MAP3K7CL: variants seen among roughly 807,000 people sequenced by gnomAD.
MAP3K7CL encodes the protein MAP3K7 C-terminal like.
MAP3K7CL carries 16 observed loss-of-function variants against 18.6 expected under a neutral mutation model. The observed-to-expected ratio is 0.86, with a 90% CI of 0.58 to 1.31. MAP3K7CL has a LOEUF of 1.31. Among genes scored for constraint, MAP3K7CL ranks in the 50% most tolerant of loss-of-function variants. The pLI, the probability that MAP3K7CL is intolerant of heterozygous loss-of-function variation, is 0.00. For synonymous variants in MAP3K7CL, 65 were observed against 66.8 expected, an observed-to-expected ratio of 0.97 and a Z score of 0.13; for missense variants, 163 against 174.4, an observed-to-expected ratio of 0.93 and a Z score of 0.37.
intron 3 of MAP3K7CL, among the ~76,000 whole-genome samples, chr21:29,159,194 G>A (rs985496654): frequency 1.3e-5 from 2 of 152,072 alleles, no homozygotes; most frequent in African/African-American, 2.4e-5. Flanking sequence ...TTTTAATCAC[G>A]CATTGCTAAA....
chr21:29,133,604 C>T (rs1436964756), intron 2 of MAP3K7CL, among the ~76,000 whole-genome samples, 190 bp downstream of exon 2: 3 of 152,186 alleles, frequency 2.0e-5, no homozygotes. Flanking sequence ...CTTTCCTCCA[C>T]CTTGAGTTTT....
At chr21:29,098,025 A>G (rs1388901043) in intron 4 of MAP3K7CL, among the ~76,000 whole-genome samples, 1 of 152,168 alleles carries the variant, frequency 6.6e-6, no homozygotes, top group Non-Finnish European at 1.5e-5. Context: ...TGAATTAATT[A>G]TAATTAAATA....
At chr21:29,169,450 C>T (rs749569664) in intron 4 of MAP3K7CL, among the ~76,000 whole-genome samples, 7 of 152,146 alleles carry the variant, frequency 4.6e-5, no homozygotes, top group Admixed American at 6.6e-5. Context: ...TTCTGTCCTG[C>T]GTATGAATGC....
At chr21:29,115,692 A>G (rs972803406) in intron 4 of MAP3K7CL, among the ~76,000 whole-genome samples, 13 of 152,256 alleles carry the variant, frequency 8.5e-5, no homozygotes, top group African/African-American at 2.2e-4. Flanking sequence ...TCAAATCTCA[A>G]TGAAATGAAA....
At chr21:29,124,769 T>G (rs1448286459) in intron 4 of MAP3K7CL, among the ~76,000 whole-genome samples, 1 of 152,272 alleles carries the variant, frequency 6.6e-6, no homozygotes, top group Non-Finnish European at 1.5e-5. Flanking sequence ...TATCAGTGTC[T>G]GTACTTTTAC....
At chr21:29,138,349 C>A (rs1051232032) in intron 2 of MAP3K7CL, among the ~76,000 whole-genome samples, 5 of 152,152 alleles carry the variant, frequency 3.3e-5, no homozygotes, top group Non-Finnish European at 7.3e-5. Context: ...AGAGTCGAAA[C>A]TTCCTAAACT....
At chr21:29,087,321 A>T (rs1422454533) in intron 1 of MAP3K7CL, among the ~76,000 whole-genome samples, 1 of 152,032 alleles carries the variant, frequency 6.6e-6, no homozygotes, top group Non-Finnish European at 1.5e-5. Context: ...CTCCCTAAAC[A>T]TTTTCACATT....
At chr21:29,118,483 C>G (rs150640462) in intron 4 of MAP3K7CL, among the ~76,000 whole-genome samples, 2 of 152,130 alleles carry the variant, frequency 1.3e-5, no homozygotes, top group East Asian at 3.9e-4. Context: ...GATCATGTGT[C>G]TTTGGTTGAA....
Position 29,149,037 on chromosome 21 carries a change from G to A in MAP3K7CL, c.71-152G>A, listed in dbSNP as rs2087208393. 5 of 678,368 alleles carry A rather than the reference G, an allele frequency of 7.4e-6. No individual in the cohort carries two copies. The East Asian group carries it at 1.1e-4, about 15-fold the overall frequency. The allele number at this position is 678,368 out of a possible 1,614,324, so 42.0% of individuals were successfully genotyped here. A position where few individuals can be genotyped will look rare whatever the true frequency, so the allele number is the denominator to read the frequency against. On this transcript the variant is annotated intron_variant, in intron 2 of 4. Transcript: ENST00000399928. ...CCACGCATCTGTGTGTACAGAAAAT[G>A]AGCAAAATTGTCCTTTACATTCTGT...
chr21:29,099,533 G>T (rs997931012), intron 4 of MAP3K7CL, among the ~76,000 whole-genome samples: 3 of 152,102 alleles, frequency 2.0e-5, no homozygotes, highest in Non-Finnish European at 4.4e-5. Flanking sequence ...TACAGCCATG[G>T]TTATCATGGT....
exon 4 of MAP3K7CL, chr21:29,092,550 T>C (rs1181618412): frequency 2.5e-6 from 4 of 1,614,132 alleles, no homozygotes; most frequent in Admixed American, 1.7e-5. Flanking sequence ...AGTCTATTAC[T>C]GTGCCCGTGG....
intron 4 of MAP3K7CL, among the ~76,000 whole-genome samples, chr21:29,115,274 C>G (rs546329006): frequency 1.3e-5 from 2 of 152,186 alleles, no homozygotes; most frequent in Non-Finnish European, 2.9e-5. Flanking sequence ...GCCCCTGCTA[C>G]GACCATTTAA....
chr21:29,139,163 A>G (rs1268438271), intron 2 of MAP3K7CL: 1 of 152,164 alleles, frequency 6.6e-6, no homozygotes, highest in African/African-American at 2.4e-5. Flanking sequence ...TGCAATAGCT[A>G]CCTTTGAATC....
At chr21:29,149,065 G>T in intron 2 of MAP3K7CL, 124 bp from the exon 3 acceptor site, 1 of 818,612 alleles carries the variant, frequency 1.2e-6, no homozygotes, top group Non-Finnish European at 2.1e-6. Context: ...CATTCTGTCT[G>T]TCCCCAACTG....
chr21:29,148,353 A>G (rs2087192263), intron 2 of MAP3K7CL, among the ~76,000 whole-genome samples: 1 of 152,100 alleles, frequency 6.6e-6, no homozygotes, highest in Non-Finnish European at 1.5e-5. Flanking sequence ...TTAGAGCCAG[A>G]GAGTACCTGG....
intron 2 of MAP3K7CL, among the ~76,000 whole-genome samples, chr21:29,146,684 A>G (rs1031446234): frequency 6.6e-6 from 1 of 152,200 alleles, no homozygotes; most frequent in Non-Finnish European, 1.5e-5. Context: ...GAATCTGAGG[A>G]CACCCATTGT....
intron 2 of MAP3K7CL, among the ~76,000 whole-genome samples, chr21:29,135,178 C>G (rs1488205804): frequency 6.6e-6 from 1 of 152,180 alleles, no homozygotes; most frequent in Admixed American, 6.5e-5. Flanking sequence ...GTTCTGAACT[C>G]AGGGCCCTAG....
intron 4 of MAP3K7CL, among the ~76,000 whole-genome samples, chr21:29,161,179 G>A (rs1357756037): frequency 2.6e-5 from 4 of 152,000 alleles, no homozygotes; most frequent in Non-Finnish European, 4.4e-5. Flanking sequence ...GTGTGGTGGC[G>A]GGCACCTGTA....
At chr21:29,149,148 A>C in intron 2 of MAP3K7CL, 41 bp from the exon 3 acceptor site, 1 of 1,557,900 alleles carries the variant, frequency 6.4e-7, no homozygotes, top group Non-Finnish European at 8.9e-7. Flanking sequence ...CCTACAAGAA[A>C]GAGCTCCATA....
Sources: gnomAD v4.1 joint callset for allele counts (sites outside exome capture counted in the v4.1 genomes callset) on GRCh38, gnomAD v4.1.1 for gene constraint, MANE v1.5 for transcripts, NCBI Gene and HGNC (gene_info 2026-07-23, HGNC 2026-07-21) for gene names.